The following SORCS1 variants were observed in gnomAD, a reference collection of about 807,000 sequenced individuals.
SORCS1 encodes the protein VPS10 domain-containing receptor SorCS1.
In SORCS1, 60 loss-of-function variants were observed where a neutral mutation model predicts 146.1. The observed-to-expected ratio is 0.41, with a 90% CI of 0.33 to 0.51. The LOEUF (loss-of-function observed/expected upper bound fraction) is 0.51. Ranked by LOEUF, SORCS1 falls within the 20% of genes least tolerant of loss-of-function variation. The pLI is 0.21. For synonymous variants in SORCS1, 637 were observed against 584.0 expected, an observed-to-expected ratio of 1.09 and a Z score of -1.31; for missense variants, 1,352 against 1,487.6, an observed-to-expected ratio of 0.91 and a Z score of 1.50.
At chr10:107,083,944 C>T (rs1268638739) in intron 1 of SORCS1, among the ~76,000 whole-genome samples, 1 of 152,112 alleles carries the variant, frequency 6.6e-6, no homozygotes, top group South Asian at 2.1e-4. Context: ...GATATTCACT[C>T]AGGTTTGGAT....
At chr10:107,161,326 G>A (rs1969686728) in intron 1 of SORCS1, among the ~76,000 whole-genome samples, 1 of 152,140 alleles carries the variant, frequency 6.6e-6, no homozygotes, top group Non-Finnish European at 1.5e-5. Context: ...CACTGCCTGT[G>A]GTCCTGAATG....
At chr10:106,970,501 G>C (rs1200893381) in intron 1 of SORCS1, among the ~76,000 whole-genome samples, 2 of 151,756 alleles carry the variant, frequency 1.3e-5, no homozygotes, top group African/African-American at 4.8e-5. Flanking sequence ...ACCACGCCCG[G>C]CTAATTTTTT....
intron 1 of SORCS1, among the ~76,000 whole-genome samples, chr10:106,997,465 A>G (rs911775187): frequency 1.3e-4 from 20 of 152,332 alleles, no homozygotes; most frequent in African/African-American, 4.6e-4. Context: ...ATGCTGCTAC[A>G]GAACAATTCT....
chr10:106,810,314 A>T (rs1271842468), intron 3 of SORCS1, among the ~76,000 whole-genome samples: 1 of 152,186 alleles, frequency 6.6e-6, no homozygotes, highest in Non-Finnish European at 1.5e-5. Context: ...AAAGCAATAT[A>T]ACCCCCTCTT....
chr10:106,658,471 T>C (rs1850475472), intron 17 of SORCS1, among the ~76,000 whole-genome samples: 1 of 152,152 alleles, frequency 6.6e-6, no homozygotes, highest in Non-Finnish European at 1.5e-5. Flanking sequence ...GTGGTCCTCA[T>C]TTGCACTCAC....
At chr10:106,789,535 G>C (rs569747052) in intron 3 of SORCS1, among the ~76,000 whole-genome samples, 61 of 152,292 alleles carry the variant, frequency 4.0e-4, no homozygotes, top group African/African-American at 1.4e-3. Context: ...CAGTCTCTTT[G>C]CTAAAGTATA....
intron 9 of SORCS1, among the ~76,000 whole-genome samples, chr10:106,693,270 C>A (rs1259349412): frequency 6.6e-6 from 1 of 152,162 alleles, no homozygotes; most frequent in Non-Finnish European, 1.5e-5. Context: ...TTCATATTAT[C>A]CTTATTTTAC....
intron 2 of SORCS1, among the ~76,000 whole-genome samples, chr10:106,904,281 AC>A (rs1951828148): frequency 6.6e-6 from 1 of 152,196 alleles, no homozygotes; most frequent in Admixed American, 6.5e-5. Context: ...TATTTAACAA[AC>A]TTTTACTTCG....
intron 1 of SORCS1, among the ~76,000 whole-genome samples, chr10:107,008,003 GATTT>G (rs749902549): frequency 1.1e-4 from 15 of 139,068 alleles, no homozygotes; most frequent in African/African-American, 2.4e-4. Context: ...GTTGTCTAAA[GATTT>G]ATTTATTTGT....
chr10:106,704,383 C>T (rs1231052877), intron 8 of SORCS1, among the ~76,000 whole-genome samples: 2 of 152,162 alleles, frequency 1.3e-5, no homozygotes, highest in African/African-American at 4.8e-5. Flanking sequence ...TCCACCAAAA[C>T]TTATGTCACT....
intron 2 of SORCS1, among the ~76,000 whole-genome samples, chr10:106,836,041 C>A (rs563390681): frequency 1.7e-4 from 25 of 151,132 alleles, no homozygotes; most frequent in Admixed American, 1.1e-3. Flanking sequence ...AACATCATAA[C>A]AACGAATGCT....
At chr10:106,907,333 G>A (rs1951952376) in intron 2 of SORCS1, among the ~76,000 whole-genome samples, 1 of 151,978 alleles carries the variant, frequency 6.6e-6, no homozygotes. Flanking sequence ...GATTCATACT[G>A]ACTGACATGA....
intron 1 of SORCS1, among the ~76,000 whole-genome samples, chr10:106,959,935 T>A (rs1955142910): frequency 6.6e-6 from 1 of 152,240 alleles, no homozygotes; most frequent in African/African-American, 2.4e-5. Flanking sequence ...TGTAGAGTAT[T>A]CAAGTTCAAT....
At chr10:106,933,833 C>T (rs1466855275) in intron 2 of SORCS1, among the ~76,000 whole-genome samples, 1 of 152,168 alleles carries the variant, frequency 6.6e-6, no homozygotes, top group Admixed American at 6.5e-5. Context: ...GTGGCTCATA[C>T]TTGTAATCCT....
At chr10:106,602,446 T>G (rs370926612) in intron 23 of SORCS1, among the ~76,000 whole-genome samples, 1 of 151,220 alleles carries the variant, frequency 6.6e-6, no homozygotes, top group Non-Finnish European at 1.5e-5. Context: ...TTGCATTGAA[T>G]GACAGGGAAG....
At chr10:107,014,979 C>T (rs1957840112) in intron 1 of SORCS1, among the ~76,000 whole-genome samples, 1 of 152,178 alleles carries the variant, frequency 6.6e-6, no homozygotes, top group Non-Finnish European at 1.5e-5. Flanking sequence ...GAATATATTA[C>T]TGAATCAATA....
chr10:106,603,668 T>G (rs138191684), intron 23 of SORCS1, among the ~76,000 whole-genome samples: 1 of 152,276 alleles, frequency 6.6e-6, no homozygotes, highest in Admixed American at 6.5e-5. Flanking sequence ...AATGAGGGGA[T>G]AAGGACAGCC....
At chr10:106,809,214 A>G (rs1459022316) in intron 3 of SORCS1, among the ~76,000 whole-genome samples, 2 of 151,772 alleles carry the variant, frequency 1.3e-5, no homozygotes, top group South Asian at 2.1e-4. Flanking sequence ...ATACAATAAA[A>G]ATAAATAAAT....
chr10:106,667,253 C>T (rs894952143), intron 17 of SORCS1: 3 of 162,542 alleles, frequency 1.8e-5, no homozygotes, highest in East Asian at 1.7e-4. Flanking sequence ...TTCGTATTAA[C>T]ACTAGTATAC....
Sources: allele counts gnomAD v4.1 joint callset (sites outside exome capture counted in the v4.1 genomes callset), GRCh38; gene constraint gnomAD v4.1.1; transcripts MANE v1.5; gene names NCBI Gene and HGNC (gene_info 2026-07-23, HGNC 2026-07-21).